STK3: variants seen among roughly 807,000 people sequenced by gnomAD.
STK3 encodes the protein serine/threonine-protein kinase 3.
A neutral mutation model predicts 58.0 loss-of-function variants in STK3; 41 were observed. The observed-to-expected ratio is 0.71, with a 90% CI of 0.55 to 0.92. STK3 has a LOEUF of 0.92. Ranked by LOEUF, STK3 falls within the 40% of genes least tolerant of loss-of-function variation. The probability of loss-of-function intolerance (pLI) is 0.00; values close to 1 mark genes in which losing one functional copy is unlikely to be tolerated. For missense variants in STK3, 479 were observed against 602.7 expected, an observed-to-expected ratio of 0.79 and a Z score of 2.15; for synonymous variants, 170 against 191.0, an observed-to-expected ratio of 0.89 and a Z score of 0.91.
intron 6 of STK3, among the ~76,000 whole-genome samples, chr8:98,656,935 G>T (rs985342117): frequency 2.0e-5 from 3 of 151,946 alleles, no homozygotes; most frequent in Non-Finnish European, 4.4e-5. Flanking sequence ...TGAAATACTG[G>T]TTGAGTCACT....
At chr8:98,581,157 C>T (rs1813849541) in intron 7 of STK3, among the ~76,000 whole-genome samples, 1 of 152,192 alleles carries the variant, frequency 6.6e-6, no homozygotes, top group Non-Finnish European at 1.5e-5. Flanking sequence ...GGAGCAAATA[C>T]TGTGTTCCAC....
chr8:98,422,254 T>C (rs1283581111), intron 3 of STK3, among the ~76,000 whole-genome samples: 1 of 152,198 alleles, frequency 6.6e-6, no homozygotes, highest in Non-Finnish European at 1.5e-5. Context: ...GAATTGCATT[T>C]GTAACGTGCA....
the STK3 span, among the ~76,000 whole-genome samples, chr8:98,346,872 A>G: frequency 6.6e-6 from 1 of 151,906 alleles, no homozygotes; most frequent in Admixed American, 6.6e-5. Flanking sequence ...AATAAAGAAC[A>G]TTGGAAATGG....
intron 4 of STK3, chr8:98,721,107 G>C: frequency 1.0e-6 from 1 of 985,290 alleles, no homozygotes; most frequent in Non-Finnish European, 1.2e-6. Context: ...CTTTCACCCT[G>C]AGTACATTAA....
intron 6 of STK3, among the ~76,000 whole-genome samples, chr8:98,612,570 T>C (rs1228749626): frequency 1.3e-5 from 2 of 151,798 alleles, no homozygotes; most frequent in African/African-American, 2.4e-5. Flanking sequence ...CTTCCCTGGA[T>C]CTTCTTTGTC....
In STK3 at chr8:98,766,734, A is replaced by T. The variant is rs545480172; in HGVS notation, c.236+509T>A. Among the ~76,000 whole-genome samples the T allele has an allele frequency of 2.9e-4, 44 of 152,302 alleles. No individual in the cohort carries two copies. In the South Asian group the frequency reaches 9.1e-3, roughly 32 times the overall value. ...TCCAGCCTCATTTCTGCTTTTAAGCAGAAAAGCTGCAAAGAGCTGTAAGTC... is the reference window on the plus strand; with the variant it reads ...TCCAGCCTCATTTCTGCTTTTAAGCTGAAAAGCTGCAAAGAGCTGTAAGTC... On this transcript the variant is annotated intron_variant, in intron 3 of 10. Transcript: ENST00000419617.
At chr8:98,437,304 C>A (rs960947636) in intron 1 of STK3, 1 of 152,336 alleles carries the variant, frequency 6.6e-6, no homozygotes, top group East Asian at 1.9e-4. Flanking sequence ...AAGGGACACA[C>A]AGAGTTGGCA....
chr8:98,701,508 A>G (rs1451976552), intron 6 of STK3, among the ~76,000 whole-genome samples: 2 of 151,974 alleles, frequency 1.3e-5, no homozygotes, highest in Non-Finnish European at 2.9e-5. Context: ...AATCCCAGCT[A>G]CTTGGGAGAC....
chr8:98,446,627 C>T (rs984286364), intron 1 of STK3, among the ~76,000 whole-genome samples: 8 of 151,924 alleles, frequency 5.3e-5, no homozygotes, highest in South Asian at 2.1e-4. Context: ...GGTGAGGTTG[C>T]GGAGAAAAGG....
chr8:98,549,212 C>T (rs1354983022), intron 8 of STK3, among the ~76,000 whole-genome samples: 1 of 152,120 alleles, frequency 6.6e-6, no homozygotes, highest in African/African-American at 2.4e-5. Context: ...TACCATTTTA[C>T]ACTCCCACCA....
At chr8:98,695,408 T>C (rs1197346705) in intron 6 of STK3, among the ~76,000 whole-genome samples, 2 of 152,192 alleles carry the variant, frequency 1.3e-5, no homozygotes, top group Non-Finnish European at 2.9e-5. Flanking sequence ...GTTTTAGACA[T>C]GAAGTCCTTG....
chr8:98,691,480 C>CAG (rs1351991664), intron 6 of STK3, among the ~76,000 whole-genome samples: 1 of 152,048 alleles, frequency 6.6e-6, no homozygotes, highest in East Asian at 1.9e-4. Flanking sequence ...GGGACTCAGA[C>CAG]TGTGTATTAT....
upstream of STK3, among the ~76,000 whole-genome samples, chr8:98,390,197 T>C (rs1461922610): frequency 6.6e-6 from 1 of 152,254 alleles, no homozygotes; most frequent in East Asian, 1.9e-4. Flanking sequence ...GCAATTCTTT[T>C]TGAGCATGTC....
At chr8:98,773,085 A>G (rs1359178384) in intron 2 of STK3, among the ~76,000 whole-genome samples, 2 of 152,318 alleles carry the variant, frequency 1.3e-5, no homozygotes, top group South Asian at 2.1e-4. Flanking sequence ...TTATATAGAC[A>G]TACAGGTACT....
intron 10 of STK3, among the ~76,000 whole-genome samples, chr8:98,489,220 C>T (rs1196855306): frequency 2.0e-5 from 3 of 151,566 alleles, no homozygotes; most frequent in Non-Finnish European, 4.4e-5. Context: ...TGTCATGGAA[C>T]TAGAGTTAAA....
intron 6 of STK3, among the ~76,000 whole-genome samples, chr8:98,606,574 C>T (rs1816788990): frequency 1.3e-5 from 2 of 152,190 alleles, no homozygotes; most frequent in Non-Finnish European, 2.9e-5. Flanking sequence ...ATTTAGCTGC[C>T]TGACCTCTGG....
intron 10 of STK3, among the ~76,000 whole-genome samples, chr8:98,491,164 AGAG>A (rs1822654694): frequency 1.8e-4 from 1 of 5,638 alleles, no homozygotes; most frequent in Non-Finnish European, 1.3e-3. Context: ...AATAAACACG[AGAG>A]AGAGAGAGAG....
chr8:98,661,519 T>G (rs1821965415), intron 6 of STK3, among the ~76,000 whole-genome samples: 1 of 152,066 alleles, frequency 6.6e-6, no homozygotes, highest in East Asian at 1.9e-4. Context: ...CCTGCTCCAC[T>G]TTAATCTGTT....
chr8:98,882,930 C>T (rs1587797678), downstream of STK3: 1 of 152,280 alleles, frequency 6.6e-6, no homozygotes, highest in East Asian at 1.9e-4. Context: ...ATGAGAGTTT[C>T]TAAGCCTTAT....
Sources: gnomAD v4.1 joint callset for allele counts (sites outside exome capture counted in the v4.1 genomes callset) on GRCh38, gnomAD v4.1.1 for gene constraint, MANE v1.5 for transcripts, NCBI Gene and HGNC (gene_info 2026-07-23, HGNC 2026-07-21) for gene names.